C8orf34: variants seen among roughly 807,000 people sequenced by gnomAD.
C8orf34 encodes uncharacterized protein C8orf34.
Under a neutral mutation model 68.3 loss-of-function variants are expected in C8orf34, and 65 were observed. The observed-to-expected ratio is 0.95, with a 90% CI of 0.78 to 1.17. The LOEUF is 1.17. Among genes scored for constraint, C8orf34 ranks in the 50% most tolerant of loss-of-function variants. C8orf34 has a pLI of 0.00. For synonymous variants in C8orf34, 244 were observed against 241.2 expected (o/e 1.01, Z -0.11); for missense variants, 664 against 655.4 (o/e 1.01, Z -0.14).
intron 7 of C8orf34, chr8:68,534,990 C>A: frequency 3.0e-6 from 3 of 985,374 alleles, no homozygotes; most frequent in Non-Finnish European, 3.6e-6. Context: ...TTTGGACTTT[C>A]TTCATGTAAT....
intron 8 of C8orf34, among the ~76,000 whole-genome samples, chr8:68,661,794 T>C (rs1169185176): frequency 6.6e-6 from 1 of 152,044 alleles, no homozygotes; most frequent in Non-Finnish European, 1.5e-5. Context: ...AGTTGGAGGT[T>C]CTCGGGGGAC....
At chr8:68,471,600 C>T (rs913879964) in intron 4 of C8orf34, among the ~76,000 whole-genome samples, 8 of 151,970 alleles carry the variant, frequency 5.3e-5, no homozygotes, top group African/African-American at 1.9e-4. Context: ...AACTTTATTA[C>T]CCATTGTTTT....
At chr8:68,497,573 C>T (rs1813579349) in intron 5 of C8orf34, among the ~76,000 whole-genome samples, 1 of 152,082 alleles carries the variant, frequency 6.6e-6, no homozygotes, top group African/African-American at 2.4e-5. Flanking sequence ...TGTACCTTGT[C>T]ATACTATTTT....
chr8:68,750,192 C>A (rs868170428), intron 10 of C8orf34, among the ~76,000 whole-genome samples: 1 of 152,038 alleles, frequency 6.6e-6, no homozygotes, highest in Non-Finnish European at 1.5e-5. Context: ...CAACACTATT[C>A]ATAATAAACA....
intron 7 of C8orf34, among the ~76,000 whole-genome samples, chr8:68,569,183 C>T (rs2080216303): frequency 6.6e-6 from 1 of 152,122 alleles, no homozygotes; most frequent in Admixed American, 6.5e-5. Flanking sequence ...GAAAAGAAAC[C>T]TTAAAATTGA....
At chr8:68,703,708 A>G (rs1238789003) in intron 8 of C8orf34, among the ~76,000 whole-genome samples, 1 of 152,062 alleles carries the variant, frequency 6.6e-6, no homozygotes, top group Non-Finnish European at 1.5e-5. Flanking sequence ...AGGCTCCTCA[A>G]AAATTCTTGT....
At chr8:68,546,440 AAAC>A (rs1341884251) in intron 7 of C8orf34, among the ~76,000 whole-genome samples, 1 of 151,946 alleles carries the variant, frequency 6.6e-6, no homozygotes, top group Non-Finnish European at 1.5e-5. Flanking sequence ...TAGGAAGACA[AAAC>A]AATTCTAAAT....
chr8:68,656,646 T>G (rs1819518136), intron 8 of C8orf34, among the ~76,000 whole-genome samples: 1 of 152,200 alleles, frequency 6.6e-6, no homozygotes, highest in Non-Finnish European at 1.5e-5. Flanking sequence ...GTTCCAGTTG[T>G]GCATCCAACA....
chr8:68,781,942 T>C (rs960138545), intron 11 of C8orf34, among the ~76,000 whole-genome samples: 1 of 152,212 alleles, frequency 6.6e-6, no homozygotes, highest in Admixed American at 6.5e-5. Flanking sequence ...AACCAATCAG[T>C]AGTATTGCTT....
At chr8:68,642,942 C>G (rs1275130053) in intron 8 of C8orf34, among the ~76,000 whole-genome samples, 1 of 152,144 alleles carries the variant, frequency 6.6e-6, no homozygotes, top group Non-Finnish European at 1.5e-5. Context: ...GGTTCATGCC[C>G]CTGTGAGAAT....
In C8orf34 at chr8:68,336,227, A is replaced by C. The variant is rs10092370; in HGVS notation, c.327+4888A>C. On this transcript the variant is annotated intron_variant, in intron 1 of 13. Transcript: ENST00000518698. ...TAATTCAATTAAGAAGCCATGAACCATACAAAGAGAACAGCTAAGACTACA... is the reference window on the plus strand; with the variant it reads ...TAATTCAATTAAGAAGCCATGAACCCTACAAAGAGAACAGCTAAGACTACA... 2.0e-3 allele frequency among the ~76,000 whole-genome samples: 310 copies of C among 152,152 alleles called. 3 individuals are homozygous for C. The highest frequency in any genetic ancestry group is 7.2e-3 in the African/African-American group (299 of 41,514).
In C8orf34 at chr8:68,553,641, C is replaced by T. The variant is rs551843825; in HGVS notation, c.1105+20492C>T. On this transcript the variant is annotated intron_variant, in intron 7 of 13. Coordinates refer to ENST00000518698, the MANE Select transcript of C8orf34 (RefSeq NM_052958.4). Reference sequence around the variant, plus strand: ...TTTCATCTGTTATTTAATTTGTCGGCGTACACTTGTTCAGAGCATTCCTTT... The same window carrying T: ...TTTCATCTGTTATTTAATTTGTCGGTGTACACTTGTTCAGAGCATTCCTTT... 5.3e-5 allele frequency among the ~76,000 whole-genome samples: 8 copies of T among 152,060 alleles called. 1 individual carries two copies. In the South Asian group the frequency reaches 1.7e-3, roughly 32 times the overall value.
chr8:68,782,935 A>T (rs1823722796), intron 11 of C8orf34, among the ~76,000 whole-genome samples: 1 of 151,724 alleles, frequency 6.6e-6, no homozygotes, highest in Non-Finnish European at 1.5e-5. Flanking sequence ...ATTGAGGCAT[A>T]GTGGCACGTG....
intron 8 of C8orf34, among the ~76,000 whole-genome samples, chr8:68,663,464 T>G (rs1819745553): frequency 6.6e-6 from 1 of 152,166 alleles, no homozygotes; most frequent in East Asian, 1.9e-4. Context: ...TCACTAAATC[T>G]TATCTAAAAA....
At chr8:68,479,793 A>C (rs956549593) in intron 4 of C8orf34, among the ~76,000 whole-genome samples, 2 of 152,160 alleles carry the variant, frequency 1.3e-5, no homozygotes, top group Non-Finnish European at 2.9e-5. Context: ...AACCAACACC[A>C]TTTGAAACTA....
intron 1 of C8orf34, among the ~76,000 whole-genome samples, chr8:68,331,935 T>C (rs554701458): frequency 1.1e-4 from 17 of 150,390 alleles, no homozygotes; most frequent in Admixed American, 6.6e-4. Context: ...ATGAATGAAA[T>C]TGGCAAACTG....
At chr8:68,680,013 G>A (rs1309467209) in intron 8 of C8orf34, among the ~76,000 whole-genome samples, 1 of 152,072 alleles carries the variant, frequency 6.6e-6, no homozygotes, top group African/African-American at 2.4e-5. Context: ...CACTGGACTG[G>A]GCAAAAATAT....
intron 1 of C8orf34, among the ~76,000 whole-genome samples, chr8:68,435,953 A>G (rs1419231468): frequency 1.3e-5 from 2 of 152,216 alleles, no homozygotes; most frequent in Non-Finnish European, 2.9e-5. Flanking sequence ...CACGCCTATA[A>G]TCACAGCACT....
intron 10 of C8orf34, among the ~76,000 whole-genome samples, chr8:68,771,884 T>A (rs1481878738): frequency 1.3e-5 from 2 of 152,234 alleles, no homozygotes; most frequent in African/African-American, 4.8e-5. Context: ...ATCACTTGTA[T>A]ATGTTTTTTC....
Sources: allele counts gnomAD v4.1 joint callset (sites outside exome capture counted in the v4.1 genomes callset), GRCh38; gene constraint gnomAD v4.1.1; transcripts MANE v1.5; gene names NCBI Gene and HGNC (gene_info 2026-07-23, HGNC 2026-07-21).